SOCS5: variants seen among roughly 807,000 people sequenced by gnomAD.
SOCS5 encodes suppressor of cytokine signaling 5, also known as CIS-6.
Under a neutral mutation model 42.8 loss-of-function variants are expected in SOCS5, and 32 were observed. The ratio of observed to expected loss-of-function variants is 0.75; its 90% CI spans 0.56 to 1.01. The LOEUF (loss-of-function observed/expected upper bound fraction) is 1.01, where lower values mean the gene tolerates loss of function less well. SOCS5 is among the 50% of genes least tolerant of loss of function. The pLI is 0.00. For synonymous variants in SOCS5, 283 were observed against 229.6 expected, an observed-to-expected ratio of 1.23 and a Z score of -2.10; for missense variants, 627 against 653.0, an observed-to-expected ratio of 0.96 and a Z score of 0.43.
chr2:46,727,108 A>G (rs1673014268), intron 1 of SOCS5, among the ~76,000 whole-genome samples: 1 of 143,256 alleles, frequency 7.0e-6, no homozygotes, highest in South Asian at 2.2e-4. Flanking sequence ...GTTGAGACCA[A>G]TTTGTTTCAA....
chr2:46,745,595 T>A, intron 1 of SOCS5, among the ~76,000 whole-genome samples: 1 of 152,188 alleles, frequency 6.6e-6, no homozygotes, highest in Admixed American at 6.5e-5. Flanking sequence ...TGTGGAATGC[T>A]GTGCTTATTT....
Position 46,740,749 on chromosome 2 carries a change from C to G in SOCS5, c.-12-17770C>G, listed in dbSNP as rs556308571. 6.6e-5 allele frequency among the ~76,000 whole-genome samples: 10 copies of G among 152,044 alleles called. No individual in the cohort carries two copies. The East Asian group carries it at 7.7e-4, about 12-fold the overall frequency. ...GGATCTGCCACTGCCTACTGCTCCT[C>G]TTGCTGCTTCCTAGGGAAGCTCTGG... On this transcript the variant is annotated intron_variant, in intron 1 of 1. Coordinates refer to ENST00000394861, the MANE Select transcript of SOCS5 (RefSeq NM_144949.3).
At chr2:46,738,690 G>T (rs1396899649) in intron 1 of SOCS5, among the ~76,000 whole-genome samples, 2 of 152,118 alleles carry the variant, frequency 1.3e-5, no homozygotes. Flanking sequence ...GTTTATAACT[G>T]TAAAGGTAGG....
Position 46,759,768 on chromosome 2 carries a change from A to T in SOCS5, c.1238A>T (p.Tyr413Phe), listed in dbSNP as rs199872386. Residue 413 changes from tyrosine to phenylalanine, a missense_variant, in exon 2 of 2, where the codon TAC (tyrosine) becomes TTC (phenylalanine). Physicochemically the swap from Tyr to Phe is conservative, Grantham distance 22. Coordinates refer to ENST00000394861, the MANE Select transcript of SOCS5 (RefSeq NM_144949.3). ...FLLRDSAQED[Y>F]LFSVSFRRYN... The stretch of plus-strand genomic sequence containing the variant: ...CTCAGGGACTCTGCGCAAGAGGACT[A>T]CCTCTTCTCTGTGAGCTTCCGCCGC... The T allele has an allele frequency of 1.5e-5, 25 of 1,614,042 alleles. No individual in the cohort carries two copies. Among genetic ancestry groups the T allele is most frequent in the Non-Finnish European group, 2.0e-5 (24 of 1,180,002 alleles).
rs1673860572 is a variant in SOCS5, at chr2:46,761,159, A to T, written c.*1018A>T. On this transcript the variant is annotated 3_prime_UTR_variant, in exon 2 of 2. Transcript: ENST00000394861. ...TAGAATTTCAGTGCAGTTCATTCTT[A>T]ATGGAAAATCTGAAACCTAAATTGC... The T allele has an allele frequency of 6.0e-6, 1 of 167,100 alleles. No homozygotes were observed. Among genetic ancestry groups the T allele is most frequent in the Non-Finnish European group, 1.5e-5 (1 of 68,116 alleles). The allele number at this position is 167,100 out of a possible 1,614,324, so 10.4% of individuals were successfully genotyped here. A position where few individuals can be genotyped will look rare whatever the true frequency, so the allele number is the denominator to read the frequency against.
chr2:46,739,920 G>A (rs1040094957), intron 1 of SOCS5, among the ~76,000 whole-genome samples: 7 of 152,132 alleles, frequency 4.6e-5, no homozygotes, highest in African/African-American at 1.7e-4. Flanking sequence ...ACGCAGCTGT[G>A]ACCAGTTTAG....
intron 1 of SOCS5, among the ~76,000 whole-genome samples, chr2:46,719,203 T>C (rs1363867082): frequency 1.3e-5 from 2 of 152,174 alleles, no homozygotes; most frequent in African/African-American, 4.8e-5. Context: ...CTGTTCACAA[T>C]ATAGTGAATG....
chr2:46,754,913 G>A (rs563591752), intron 1 of SOCS5, among the ~76,000 whole-genome samples: 8 of 152,234 alleles, frequency 5.3e-5, no homozygotes, highest in South Asian at 2.1e-4. Context: ...ACTGTCAAAC[G>A]TATTATCTTT....
chr2:46,736,534 A>T (rs758994009), intron 1 of SOCS5, among the ~76,000 whole-genome samples: 7 of 152,072 alleles, frequency 4.6e-5, no homozygotes, highest in Non-Finnish European at 7.4e-5. Context: ...TGTCTCTATG[A>T]ATTTATTACT....
At chr2:46,702,275 A>T (rs756076004) in intron 1 of SOCS5, among the ~76,000 whole-genome samples, 5 of 152,200 alleles carry the variant, frequency 3.3e-5, no homozygotes, top group Non-Finnish European at 7.3e-5. Context: ...AAAAATTCCT[A>T]GAAAAATGCA....
intron 1 of SOCS5, among the ~76,000 whole-genome samples, chr2:46,728,670 C>A (rs1383215870): frequency 6.6e-6 from 1 of 152,182 alleles, no homozygotes; most frequent in East Asian, 1.9e-4. Flanking sequence ...ATTCTCCTGC[C>A]TCAGCCTCCC....
At chr2:46,741,239 C>A (rs990963759) in intron 1 of SOCS5, among the ~76,000 whole-genome samples, 1 of 151,960 alleles carries the variant, frequency 6.6e-6, no homozygotes, top group African/African-American at 2.4e-5. Context: ...GATCGACTTC[C>A]TTTTTCTTTT....
chr2:46,748,190 T>TC (rs1023250829), intron 1 of SOCS5, among the ~76,000 whole-genome samples: 14 of 61,294 alleles, frequency 2.3e-4, no homozygotes, highest in Non-Finnish European at 5.9e-4. Context: ...TTTCTTTTTC[T>TC]TTTTTTTTTT....
intron 1 of SOCS5, among the ~76,000 whole-genome samples, chr2:46,754,707 A>G (rs896125105): frequency 6.6e-6 from 1 of 152,220 alleles, no homozygotes; most frequent in African/African-American, 2.4e-5. Flanking sequence ...GCAATTTTAT[A>G]TGGTTCAACC....
rs1044069805 is a variant in SOCS5 at position 46,703,714 on chromosome 2, G to A, written c.-13+4265G>A. On this transcript the variant is annotated intron_variant, in intron 1 of 1. Transcript: ENST00000394861. The stretch of plus-strand genomic sequence containing the variant: ...ATTCATGGTTATGTGAACTGAGTAG[G>A]TGTAGACTGTACAAATTACTTTCTT... Among the ~76,000 whole-genome samples the A allele has an allele frequency of 7.2e-5, 11 of 152,158 alleles. No individual in the cohort carries two copies. The East Asian group carries it at 1.2e-3, about 16-fold the overall frequency.
intron 1 of SOCS5, among the ~76,000 whole-genome samples, chr2:46,710,600 A>G (rs74565496): frequency 0.085 from 12,961 of 152,308 alleles, 675 homozygotes; most frequent in Middle Eastern, 0.24. Flanking sequence ...AACTAAATAT[A>G]GAAGAGAACT....
In SOCS5 at chr2:46,762,068, GA is replaced by G. The variant is rs1359693803; in HGVS notation, c.*1929del. ...ATTAAAAATAAATGCCCAAAATGTA[GA>G]ACTTTAACCAAAGACTTGTCCCTTT... On this transcript the variant is annotated 3_prime_UTR_variant, in exon 2 of 2. Transcript: ENST00000394861. The G allele has an allele frequency of 6.0e-6, 1 of 166,978 alleles. No homozygotes were observed. The highest frequency in any genetic ancestry group is 1.5e-5 in the Non-Finnish European group (1 of 68,066). The allele number at this position is 166,978 out of a possible 1,614,324, so 10.3% of individuals were successfully genotyped here.
At chr2:46,749,071 C>G (rs1311057002) in intron 1 of SOCS5, among the ~76,000 whole-genome samples, 1 of 152,160 alleles carries the variant, frequency 6.6e-6, no homozygotes, top group Non-Finnish European at 1.5e-5. Context: ...GCCCTGTGCT[C>G]TAGTAAGCAT....
intron 1 of SOCS5, among the ~76,000 whole-genome samples, chr2:46,705,229 G>C (rs1672436009): frequency 6.6e-6 from 1 of 152,234 alleles, no homozygotes; most frequent in Non-Finnish European, 1.5e-5. Flanking sequence ...AGGAGCCCCA[G>C]TTTATAGCCG....
Sources: gnomAD v4.1 joint callset for allele counts (sites outside exome capture counted in the v4.1 genomes callset) on GRCh38, gnomAD v4.1.1 for gene constraint, MANE v1.5 for transcripts, NCBI Gene and HGNC (gene_info 2026-07-23, HGNC 2026-07-21) for gene names.